SDK1: variants seen among roughly 807,000 people sequenced by gnomAD.
SDK1 encodes the protein sidekick cell adhesion molecule 1.
Under a neutral mutation model 245.5 loss-of-function variants are expected in SDK1, and 157 were observed. The observed-to-expected ratio is 0.64, with a 90% CI of 0.56 to 0.73. The LOEUF (loss-of-function observed/expected upper bound fraction) is 0.73, where lower values mean the gene tolerates loss of function less well. SDK1 is among the 30% of genes least tolerant of loss of function. The pLI, the probability that SDK1 is intolerant of heterozygous loss-of-function variation, is 0.00. For missense variants in SDK1, 3,583 were observed against 3,002.3 expected (o/e 1.19, Z -4.52); for synonymous variants, 1,647 against 1,278.5 (o/e 1.29, Z -6.15).
At chr7:4,113,562 G>C in intron 24 of SDK1, 123 bp downstream of exon 24, 1 of 1,132,444 alleles carries the variant, frequency 8.8e-7, no homozygotes. Flanking sequence ...TAATCTCATC[G>C]TCAAACCAAA....
At chr7:3,730,443 A>C (rs754802542) in intron 4 of SDK1, among the ~76,000 whole-genome samples, 3 of 152,180 alleles carry the variant, frequency 2.0e-5, no homozygotes, top group Non-Finnish European at 4.4e-5. Flanking sequence ...TACTTTTTCA[A>C]AAAGCAGATT....
chr7:3,605,540 G>A (rs75899211), intron 1 of SDK1, among the ~76,000 whole-genome samples: 3,155 of 152,164 alleles, frequency 0.021, 121 homozygotes, highest in African/African-American at 0.071. Flanking sequence ...TTAAAATGAT[G>A]CACCTAAATT....
In SDK1 at chr7:3,888,376, G is replaced by A. The variant is rs531493857; in HGVS notation, c.848-62547G>A. On this transcript the variant is annotated intron_variant, in intron 5 of 44. Transcript: ENST00000404826. ...GGGTGGAACCAGAAATGGCTCCTGC[G>A]GAGAGCAAAGCAGGACATGAACCGT... Among the ~76,000 whole-genome samples the A allele has an allele frequency of 6.6e-5, 10 of 152,304 alleles. No homozygotes were observed. The East Asian group carries it at 1.5e-3, about 24-fold the overall frequency.
At chr7:3,486,086 T>A (rs1033519876) in intron 1 of SDK1, among the ~76,000 whole-genome samples, 1 of 152,022 alleles carries the variant, frequency 6.6e-6, no homozygotes, top group South Asian at 2.1e-4. Flanking sequence ...AGTGCTTTTT[T>A]CCCCCCTGAG....
At chr7:3,382,580 T>G (rs1781514796) in intron 1 of SDK1, among the ~76,000 whole-genome samples, 1 of 152,222 alleles carries the variant, frequency 6.6e-6, no homozygotes, top group South Asian at 2.1e-4. Context: ...TCTGTTGTAA[T>G]ATTTTGAAAT....
intron 1 of SDK1, among the ~76,000 whole-genome samples, chr7:3,500,923 T>G (rs996664103): frequency 1.3e-5 from 2 of 152,150 alleles, no homozygotes; most frequent in Non-Finnish European, 2.9e-5. Flanking sequence ...TTTTTCTTCT[T>G]GCAGCATCCT....
At chr7:3,997,620 A>C (rs922134851) in intron 14 of SDK1, among the ~76,000 whole-genome samples, 5 of 152,168 alleles carry the variant, frequency 3.3e-5, no homozygotes, top group Admixed American at 3.3e-4. Context: ...TCCTCCTGTC[A>C]TCTGCTCAGC....
At chr7:3,856,645 G>A (rs1430444580) in intron 5 of SDK1, among the ~76,000 whole-genome samples, 1 of 151,904 alleles carries the variant, frequency 6.6e-6, no homozygotes, top group East Asian at 1.9e-4. Flanking sequence ...ACAAAAATTA[G>A]CCAGGCATGG....
intron 4 of SDK1, among the ~76,000 whole-genome samples, chr7:3,789,672 C>T (rs1326900477): frequency 6.6e-6 from 1 of 152,166 alleles, no homozygotes; most frequent in African/African-American, 2.4e-5. Context: ...ATCATCTCTT[C>T]CTCCTGAAAC....
At chr7:4,138,250 G>A (rs1277510578) in intron 28 of SDK1, among the ~76,000 whole-genome samples, 2 of 152,154 alleles carry the variant, frequency 1.3e-5, no homozygotes, top group African/African-American at 4.8e-5. Context: ...GTCAGGGGAG[G>A]GGAGGGCGAC....
At chr7:3,385,346 C>T (rs1257394812) in intron 1 of SDK1, among the ~76,000 whole-genome samples, 2 of 152,008 alleles carry the variant, frequency 1.3e-5, no homozygotes, top group Non-Finnish European at 2.9e-5. Flanking sequence ...ACAAATGTAA[C>T]TTAACATTTC....
intron 9 of SDK1, among the ~76,000 whole-genome samples, chr7:3,965,972 G>A (rs1307796643): frequency 6.6e-6 from 1 of 151,864 alleles, no homozygotes; most frequent in African/African-American, 2.4e-5. Flanking sequence ...TGGCCATGAC[G>A]GGCTGGAGGG....
chr7:4,225,614 G>T (rs1405870885), intron 40 of SDK1, among the ~76,000 whole-genome samples: 2 of 152,210 alleles, frequency 1.3e-5, no homozygotes, highest in African/African-American at 2.4e-5. Flanking sequence ...GTTGGTTACT[G>T]GTGCGGCCCA....
At chr7:3,555,997 G>T (rs922424873) in intron 1 of SDK1, among the ~76,000 whole-genome samples, 2 of 152,188 alleles carry the variant, frequency 1.3e-5, no homozygotes, top group South Asian at 4.1e-4. Context: ...CCACCATGGA[G>T]AGCAGTTTGG....
chr7:4,077,243 C>A, intron 21 of SDK1, 54 bp downstream of exon 21: 1 of 1,544,978 alleles, frequency 6.5e-7, no homozygotes, highest in South Asian at 1.2e-5. Context: ...TGGAGATTCC[C>A]GAGGCTAGAA....
chr7:3,532,737 C>G (rs1306725908), intron 1 of SDK1, among the ~76,000 whole-genome samples: 1 of 152,126 alleles, frequency 6.6e-6, no homozygotes, highest in Non-Finnish European at 1.5e-5. Flanking sequence ...TAGAGTCATC[C>G]TAGACTCCTC....
At chr7:4,185,745 C>T (rs750673334) in intron 35 of SDK1, among the ~76,000 whole-genome samples, 5 of 152,124 alleles carry the variant, frequency 3.3e-5, no homozygotes, top group African/African-American at 1.2e-4. Flanking sequence ...AGGGCAGGGA[C>T]CCCTCTTATC....
chr7:3,604,669 C>G (rs1477834569), intron 1 of SDK1, among the ~76,000 whole-genome samples: 2 of 131,086 alleles, frequency 1.5e-5, no homozygotes, highest in East Asian at 4.5e-4. Flanking sequence ...ATGGTGTGAT[C>G]TTGGCTCACT....
In SDK1 at chr7:3,599,686, A is replaced by G. The variant is rs112010002; in HGVS notation, c.299-19394A>G. On this transcript the variant is annotated intron_variant, in intron 1 of 44. Transcript: ENST00000404826. ...TGATTTTTTGCCTTCTAGGTATTCA[A>G]TTGCCTAGCATCATTTGTTTAAAAG... Among the ~76,000 whole-genome samples the G allele has an allele frequency of 1.1e-3, 174 of 152,278 alleles. 3 individuals carry two copies. The highest frequency in any genetic ancestry group is 2.6e-3 in the African/African-American group (108 of 41,568).
Sources: gnomAD v4.1 joint callset for allele counts (sites outside exome capture counted in the v4.1 genomes callset) on GRCh38, gnomAD v4.1.1 for gene constraint, MANE v1.5 for transcripts, NCBI Gene and HGNC (gene_info 2026-07-23, HGNC 2026-07-21) for gene names.